The following UNC5A variants were observed in gnomAD, a reference collection of about 807,000 sequenced individuals.
UNC5A encodes netrin receptor UNC5A.
UNC5A carries 20 observed loss-of-function variants against 87.4 expected under a neutral mutation model. The ratio of observed to expected loss-of-function variants is 0.23; its 90% CI spans 0.16 to 0.33. UNC5A has a LOEUF of 0.33. UNC5A is among the 10% of genes least tolerant of loss of function. UNC5A has a pLI of 1.00. For synonymous variants in UNC5A, 438 were observed against 482.3 expected, an observed-to-expected ratio of 0.91 and a Z score of 1.20; for missense variants, 844 against 1,133.4, an observed-to-expected ratio of 0.74 and a Z score of 3.67.
chr5:176,847,315 G>A (rs907472747), intron 1 of UNC5A, among the ~76,000 whole-genome samples: 2 of 152,202 alleles, frequency 1.3e-5, no homozygotes, highest in Admixed American at 1.3e-4. Context: ...GGAGAGCCGG[G>A]CTTGGCGTTG....
At chr5:176,839,743 G>A (rs887157820) in intron 1 of UNC5A, among the ~76,000 whole-genome samples, 11 of 151,776 alleles carry the variant, frequency 7.2e-5, no homozygotes, top group South Asian at 2.1e-4. Context: ...AGCAGATACC[G>A]CAAGCGAAGA....
chr5:176,863,169 G>A (rs2149364154), intron 2 of UNC5A, among the ~76,000 whole-genome samples: 1 of 152,398 alleles, frequency 6.6e-6, no homozygotes. Context: ...CCCACAGAGA[G>A]GCAGACAGCG....
chr5:176,872,446 CG>C (rs1275042115), intron 6 of UNC5A, among the ~76,000 whole-genome samples: 5 of 19,114 alleles, frequency 2.6e-4, no homozygotes, highest in Non-Finnish European at 2.8e-4. Flanking sequence ...TGCCCACACT[CG>C]CCCAACACCA....
At chr5:176,856,075 C>T (rs914667145) in intron 1 of UNC5A, among the ~76,000 whole-genome samples, 21 of 152,246 alleles carry the variant, frequency 1.4e-4, no homozygotes, top group African/African-American at 4.3e-4. Flanking sequence ...GGCCGAGTGA[C>T]GCCCTGTCCC....
chr5:176,812,077 T>A (rs1756472207), intron 1 of UNC5A, among the ~76,000 whole-genome samples: 1 of 151,928 alleles, frequency 6.6e-6, no homozygotes, highest in Non-Finnish European at 1.5e-5. Flanking sequence ...ATCCCACCCC[T>A]TCTATCTCCC....
intron 1 of UNC5A, among the ~76,000 whole-genome samples, chr5:176,850,579 C>A (rs559285573): frequency 6.6e-6 from 1 of 152,200 alleles, no homozygotes; most frequent in South Asian, 2.1e-4. Flanking sequence ...GCTAGGGACC[C>A]CGGGGCAGGA....
intron 1 of UNC5A, among the ~76,000 whole-genome samples, chr5:176,814,764 C>T (rs1424965387): frequency 6.6e-6 from 1 of 152,222 alleles, no homozygotes; most frequent in Admixed American, 6.5e-5. Flanking sequence ...GTTCTCTGGC[C>T]CAACTTGCTC....
At chr5:176,828,040 C>G (rs1756897744) in intron 1 of UNC5A, among the ~76,000 whole-genome samples, 1 of 152,022 alleles carries the variant, frequency 6.6e-6, no homozygotes, top group Non-Finnish European at 1.5e-5. Context: ...CCCTGTGGAC[C>G]CTGTTTCCCT....
chr5:176,862,987 G>T, intron 2 of UNC5A, 142 bp downstream of exon 2: 3 of 903,496 alleles, frequency 3.3e-6, no homozygotes, highest in Non-Finnish European at 3.4e-6. Flanking sequence ...CAGCAGTTTG[G>T]GGAGAAGGAG....
intron 1 of UNC5A, among the ~76,000 whole-genome samples, chr5:176,820,803 T>C (rs933066212): frequency 6.6e-6 from 1 of 152,196 alleles, no homozygotes; most frequent in African/African-American, 2.4e-5. Flanking sequence ...CCAGTCTTAG[T>C]GGGGTATTTT....
chr5:176,860,396 G>GC (rs1284817417), intron 1 of UNC5A, among the ~76,000 whole-genome samples: 4 of 152,154 alleles, frequency 2.6e-5, no homozygotes, highest in Non-Finnish European at 4.4e-5. Context: ...ACACTCCCCA[G>GC]CCTCCCAAGA....
At chr5:176,840,626 T>C (rs1386789355) in intron 1 of UNC5A, among the ~76,000 whole-genome samples, 2 of 152,166 alleles carry the variant, frequency 1.3e-5, no homozygotes, top group African/African-American at 4.8e-5. Context: ...GGACCCTCCC[T>C]CTGCAGATGC....
chr5:176,831,883 C>CTTTTTTTT lies in UNC5A; in HGVS notation c.70+21064_70+21065insTTTTTTTT, dbSNP rs1285414321. On this transcript the variant is annotated intron_variant, in intron 1 of 14. Transcript: ENST00000329542. ...TTTCACTTTCACACACTTTCTCTCT[C>CTTTTTTTT]TCTTTTTTTTTTTTTTTTTTTTTTT... is the stretch of plus-strand genomic sequence containing the variant. Among the ~76,000 whole-genome samples the CTTTTTTTT allele has an allele frequency of 4.1e-4, 47 of 115,310 alleles. 2 individuals are homozygous for CTTTTTTTT. Among genetic ancestry groups the CTTTTTTTT allele is most frequent in the African/African-American group, 1.5e-3 (42 of 27,288 alleles). 75.6% of individuals were successfully genotyped at this position (115,310 alleles called of 152,430 possible).
intron 1 of UNC5A, among the ~76,000 whole-genome samples, chr5:176,852,743 C>T (rs530395776): frequency 3.0e-4 from 45 of 152,330 alleles, no homozygotes; most frequent in African/African-American, 1.1e-3. Flanking sequence ...GTTCCCTTTG[C>T]GGTGGGTTCA....
chr5:176,854,137 G>A (rs1757610489), intron 1 of UNC5A, among the ~76,000 whole-genome samples: 2 of 152,038 alleles, frequency 1.3e-5, no homozygotes, highest in Admixed American at 6.5e-5. Context: ...TTACCTCCAG[G>A]CAGGTTCATA....
intron 1 of UNC5A, among the ~76,000 whole-genome samples, chr5:176,832,406 T>C (rs561697417): frequency 9.2e-4 from 140 of 152,322 alleles, no homozygotes; most frequent in African/African-American, 3.2e-3. Context: ...TGATCCAAGC[T>C]AGCTCTCGTA....
intron 1 of UNC5A, among the ~76,000 whole-genome samples, chr5:176,859,469 C>A (rs199885465): frequency 0.015 from 2,048 of 138,018 alleles, 42 homozygotes; most frequent in African/African-American, 0.057. Flanking sequence ...CTAGAATGTC[C>A]TTGCTAGAGG....
chr5:176,847,119 G>A (rs1367547056), intron 1 of UNC5A, among the ~76,000 whole-genome samples: 1 of 152,108 alleles, frequency 6.6e-6, no homozygotes, highest in Non-Finnish European at 1.5e-5. Flanking sequence ...GCAGATGAAG[G>A]TCTGCCTCAC....
At chr5:176,833,555 T>C (rs1265721146) in intron 1 of UNC5A, among the ~76,000 whole-genome samples, 2 of 152,232 alleles carry the variant, frequency 1.3e-5, no homozygotes, top group Non-Finnish European at 2.9e-5. Flanking sequence ...CCACAATCTT[T>C]AGGCCATGGC....
Sources: gnomAD v4.1 joint callset for allele counts (sites outside exome capture counted in the v4.1 genomes callset) on GRCh38, gnomAD v4.1.1 for gene constraint, MANE v1.5 for transcripts, NCBI Gene and HGNC (gene_info 2026-07-23, HGNC 2026-07-21) for gene names.